Variants in SORCS3 observed in about 807,000 individuals in gnomAD.
SORCS3 encodes VPS10 domain-containing receptor SorCS3.
SORCS3 carries 57 observed loss-of-function variants against 146.3 expected under a neutral mutation model. The ratio of observed to expected loss-of-function variants is 0.39; its 90% confidence interval spans 0.31 to 0.49. The LOEUF is 0.49. Among genes scored for constraint, SORCS3 ranks in the 20% least tolerant of loss-of-function variants. The pLI, the probability that SORCS3 is intolerant of heterozygous loss-of-function variation, is 0.92. For missense variants in SORCS3, 1,341 were observed against 1,575.5 expected, an observed-to-expected ratio of 0.85 and a Z score of 2.52; for synonymous variants, 653 against 618.5, an observed-to-expected ratio of 1.06 and a Z score of -0.83.
chr10:105,102,143 G>A (rs567437464), intron 6 of SORCS3, among the ~76,000 whole-genome samples: 8 of 152,296 alleles, frequency 5.3e-5, no homozygotes, highest in South Asian at 4.1e-4. Context: ...GGGAATGAGG[G>A]TAAGAAAGCC....
chr10:104,770,528 G>C (rs1364941477), intron 1 of SORCS3, among the ~76,000 whole-genome samples: 1 of 152,062 alleles, frequency 6.6e-6, no homozygotes, highest in Non-Finnish European at 1.5e-5. Flanking sequence ...TCACATTAAA[G>C]TGAAAAGAAC....
chr10:105,263,679 CA>C lies in SORCS3; in HGVS notation c.*309del, dbSNP rs1184391725. ...TTTTTCCTTGTGGTCTCCCTTTTTT[CA>C]AAATTGAAGTTGGGTTGGCTCTTTG... On this transcript the variant is annotated 3_prime_UTR_variant, in exon 27 of 27. Coordinates refer to ENST00000369701, the MANE Select transcript of SORCS3 (RefSeq NM_014978.3). The C allele has an allele frequency of 3.3e-6, 1 of 307,292 alleles. No individual in the cohort carries two copies. The highest frequency in any genetic ancestry group is 2.2e-5 in the African/African-American group (1 of 46,498). The allele number at this position is 307,292 out of a possible 1,614,324, so 19.0% of individuals were successfully genotyped here.
At chr10:105,064,245 G>C (rs1344569477) in intron 5 of SORCS3, among the ~76,000 whole-genome samples, 1 of 152,134 alleles carries the variant, frequency 6.6e-6, no homozygotes, top group Non-Finnish European at 1.5e-5. Context: ...ATGATTAAAG[G>C]TTGCCATGGT....
chr10:105,073,322 TG>T, intron 5 of SORCS3, among the ~76,000 whole-genome samples: 1 of 152,172 alleles, frequency 6.6e-6, no homozygotes, highest in East Asian at 1.9e-4. Flanking sequence ...TCACTTAGAT[TG>T]TGACCCCTTC....
Position 104,876,860 on chromosome 10 carries a change from T to C in SORCS3, c.695+34001T>C, listed in dbSNP as rs115692142. ...TTTCTCTGCTTTTCTTTTTTCTCTT[T>C]TCTTTTGTTTCTTTCAAAAGGATGT... On this transcript the variant is annotated intron_variant, in intron 2 of 26. Transcript: ENST00000369701. Among the ~76,000 whole-genome samples, 1,069 of 152,036 alleles carry C rather than the reference T, an allele frequency of 7.0e-3. 11 individuals are homozygous for C. The highest frequency in any genetic ancestry group is 0.025 in the African/African-American group (1,030 of 41,426).
At chr10:104,867,503 G>T (rs2018473095) in intron 2 of SORCS3, among the ~76,000 whole-genome samples, 1 of 151,976 alleles carries the variant, frequency 6.6e-6, no homozygotes, top group Admixed American at 6.6e-5. Context: ...TAGAGACAGG[G>T]TTTCATCATG....
At chr10:105,005,353 T>TGTAAAA (rs2055088173) in intron 4 of SORCS3, among the ~76,000 whole-genome samples, 2 of 152,170 alleles carry the variant, frequency 1.3e-5, no homozygotes, top group African/African-American at 4.8e-5. Context: ...TAAAATTATG[T>TGTAAAA]TCATTACAGA....
At chr10:105,245,491 A>C (rs1266841381) in intron 20 of SORCS3, 51 bp from the exon 21 acceptor site, 2 of 1,595,342 alleles carry the variant, frequency 1.3e-6, no homozygotes, top group African/African-American at 2.7e-5. Context: ...AAAGGAAATA[A>C]AGTTGATATC....
chr10:105,174,258 A>G (rs951356497), intron 13 of SORCS3, among the ~76,000 whole-genome samples: 1 of 152,156 alleles, frequency 6.6e-6, no homozygotes, highest in African/African-American at 2.4e-5. Flanking sequence ...GAGTATTGGC[A>G]ATCCTACTGA....
intron 4 of SORCS3, among the ~76,000 whole-genome samples, chr10:105,039,923 G>T (rs1360972160): frequency 6.6e-6 from 1 of 152,086 alleles, no homozygotes; most frequent in Non-Finnish European, 1.5e-5. Context: ...GTTTTTACCT[G>T]GCCTGTTTCA....
At chr10:104,819,953 C>T (rs915920224) in intron 1 of SORCS3, among the ~76,000 whole-genome samples, 3 of 152,104 alleles carry the variant, frequency 2.0e-5, no homozygotes, top group Non-Finnish European at 4.4e-5. Flanking sequence ...TTTTCCTTAA[C>T]CACTGGGTTT....
chr10:104,985,820 T>TAA (rs2054958947), intron 4 of SORCS3, among the ~76,000 whole-genome samples: 1 of 152,144 alleles, frequency 6.6e-6, no homozygotes, highest in African/African-American at 2.4e-5. Context: ...CTTTTTTTCT[T>TAA]AGTAGTAGGT....
intron 2 of SORCS3, among the ~76,000 whole-genome samples, chr10:104,869,396 T>G (rs983031623): frequency 6.6e-5 from 10 of 152,202 alleles, no homozygotes; most frequent in South Asian, 2.1e-4. Context: ...TCTGCCTTTT[T>G]GTTGTATTCA....
At chr10:105,163,234 T>C (rs914294985) in intron 11 of SORCS3, among the ~76,000 whole-genome samples, 5 of 152,332 alleles carry the variant, frequency 3.3e-5, no homozygotes, top group South Asian at 2.1e-4. Context: ...ATTTCTCATC[T>C]TGAAGCATTA....
chr10:105,217,893 A>G (rs1296515082), intron 19 of SORCS3: 4 of 454,090 alleles, frequency 8.8e-6, no homozygotes, highest in Non-Finnish European at 1.8e-5. Context: ...GGTTTCCCAC[A>G]TGTGTATCAG....
At position 105,075,574 on chromosome 10, in the gene SORCS3, T is replaced by C. The variant is rs2055583540; in HGVS notation, c.1029-14201T>C. On this transcript the variant is annotated intron_variant, in intron 5 of 26. Transcript: ENST00000369701. ...GTCCTTGCTGATGGGGAGTGACACC[T>C]TGGGGACCTCACCAGCAGGAAATTC... 2.0e-5 allele frequency among the ~76,000 whole-genome samples: 3 copies of C among 152,134 alleles called. 1 individual carries two copies. The South Asian group carries it at 6.2e-4, about 32-fold the overall frequency.
intron 6 of SORCS3, among the ~76,000 whole-genome samples, chr10:105,105,077 C>T (rs1829011816): frequency 6.6e-6 from 1 of 152,054 alleles, no homozygotes; most frequent in East Asian, 1.9e-4. Context: ...AACAGATTCT[C>T]CTTGAATTAG....
At chr10:105,021,574 T>C (rs934780106) in intron 4 of SORCS3, among the ~76,000 whole-genome samples, 2 of 152,208 alleles carry the variant, frequency 1.3e-5, no homozygotes, top group South Asian at 2.1e-4. Context: ...CCAATTTTAA[T>C]AATGAATAAT....
At chr10:104,657,686 A>T (rs2015649486) in intron 1 of SORCS3, among the ~76,000 whole-genome samples, 1 of 152,194 alleles carries the variant, frequency 6.6e-6, no homozygotes, top group Non-Finnish European at 1.5e-5. Context: ...AGAGCTGAGT[A>T]ATCCTCAGTT....
Sources: allele counts gnomAD v4.1 joint callset (sites outside exome capture counted in the v4.1 genomes callset), GRCh38; gene constraint gnomAD v4.1.1; transcripts MANE v1.5; gene names NCBI Gene and HGNC (gene_info 2026-07-23, HGNC 2026-07-21).